Variants in EPHB1 observed in about 807,000 individuals in gnomAD.
EPHB1 encodes the protein ephrin type-B receptor 1.
Under a neutral mutation model 94.4 loss-of-function variants are expected in EPHB1, and 30 were observed. The observed-to-expected ratio is 0.32, with a 90% CI of 0.24 to 0.43. The LOEUF (loss-of-function observed/expected upper bound fraction) is 0.43. Ranked by LOEUF, EPHB1 falls within the 20% of genes least tolerant of loss-of-function variation. EPHB1 has a pLI of 1.00. For synonymous variants in EPHB1, 522 were observed against 489.1 expected, an observed-to-expected ratio of 1.07 and a Z score of -0.89; for missense variants, 1,055 against 1,308.3, an observed-to-expected ratio of 0.81 and a Z score of 2.99.
chr3:135,085,474 CA>C (rs1402970238), intron 3 of EPHB1, among the ~76,000 whole-genome samples: 2 of 152,206 alleles, frequency 1.3e-5, no homozygotes, highest in Non-Finnish European at 2.9e-5. Context: ...TTCCTTCTCC[CA>C]ACTGGAATCA....
intron 3 of EPHB1, among the ~76,000 whole-genome samples, chr3:135,074,965 C>A (rs140863713): frequency 1.7e-3 from 256 of 152,234 alleles, no homozygotes; most frequent in African/African-American, 6.0e-3. Context: ...AAGGACCCCT[C>A]GCTGTAATAC....
At chr3:135,097,601 A>G (rs773144333) in intron 3 of EPHB1, among the ~76,000 whole-genome samples, 3 of 152,166 alleles carry the variant, frequency 2.0e-5, no homozygotes, top group Non-Finnish European at 4.4e-5. Context: ...TGCTACTGCT[A>G]CTGCTGTCTG....
chr3:135,010,919 C>G (rs919994656), intron 3 of EPHB1, among the ~76,000 whole-genome samples: 1 of 152,176 alleles, frequency 6.6e-6, no homozygotes, highest in African/African-American at 2.4e-5. Context: ...ACTGCTGCTG[C>G]AAGAGCCACA....
intron 15 of EPHB1, among the ~76,000 whole-genome samples, chr3:135,251,858 G>C (rs943015544): frequency 2.0e-5 from 3 of 152,172 alleles, no homozygotes; most frequent in Non-Finnish European, 4.4e-5. Context: ...GGGCTTTAGA[G>C]GAAATACAGT....
intron 11 of EPHB1, 149 bp from the exon 12 acceptor site, chr3:135,201,325 G>A (rs910357660): frequency 2.7e-6 from 2 of 729,146 alleles, no homozygotes; most frequent in Non-Finnish European, 4.7e-6. Flanking sequence ...GAGAAGAATG[G>A]GGGATGGGAG....
chr3:135,030,705 G>C (rs993171715), intron 3 of EPHB1, among the ~76,000 whole-genome samples: 3 of 152,230 alleles, frequency 2.0e-5, no homozygotes, highest in Non-Finnish European at 4.4e-5. Context: ...CCCAGAGGTG[G>C]AGCCTACAGA....
intron 12 of EPHB1, among the ~76,000 whole-genome samples, chr3:135,219,914 G>T (rs1408074599): frequency 6.6e-6 from 1 of 152,196 alleles, no homozygotes; most frequent in African/African-American, 2.4e-5. Context: ...CCTACACAGA[G>T]CAGAATTCCC....
At chr3:134,884,478 T>C (rs901539360) in intron 1 of EPHB1, among the ~76,000 whole-genome samples, 3 of 152,202 alleles carry the variant, frequency 2.0e-5, no homozygotes. Context: ...TTCCTGGGGA[T>C]TGAGAAATTC....
intron 1 of EPHB1, among the ~76,000 whole-genome samples, chr3:134,896,883 A>G (rs1362624231): frequency 6.6e-6 from 1 of 152,194 alleles, no homozygotes; most frequent in East Asian, 1.9e-4. Context: ...GGGTGAGCCT[A>G]GTGGCTCTGC....
chr3:135,006,101 T>C (rs1163351897), intron 3 of EPHB1, among the ~76,000 whole-genome samples: 1 of 152,240 alleles, frequency 6.6e-6, no homozygotes, highest in Non-Finnish European at 1.5e-5. Flanking sequence ...GTAAGTTTCC[T>C]GAGGCCTCCC....
chr3:135,087,525 T>C (rs1009439635), intron 3 of EPHB1, among the ~76,000 whole-genome samples: 5 of 152,216 alleles, frequency 3.3e-5, no homozygotes, highest in African/African-American at 1.2e-4. Flanking sequence ...CATTCACTGT[T>C]CTGTGCCCTT....
At chr3:135,188,361 G>T (rs1001992097) in intron 10 of EPHB1, among the ~76,000 whole-genome samples, 3 of 152,008 alleles carry the variant, frequency 2.0e-5, no homozygotes, top group African/African-American at 7.3e-5. Context: ...CGGGCGTTGT[G>T]GTGGGCGCCA....
intron 15 of EPHB1, 142 bp downstream of exon 15, chr3:135,249,633 C>A: frequency 1.1e-6 from 1 of 915,418 alleles, no homozygotes; most frequent in Non-Finnish European, 1.6e-6. Flanking sequence ...TGGGGAGCAC[C>A]TTGGAAAGAT....
At chr3:135,241,959 CA>C (rs1943795217) in intron 13 of EPHB1, among the ~76,000 whole-genome samples, 1 of 152,086 alleles carries the variant, frequency 6.6e-6, no homozygotes, top group African/African-American at 2.4e-5. Context: ...AGGATGCCCT[CA>C]AGGGAAAAGG....
At chr3:135,138,170 A>G (rs1323365651) in intron 5 of EPHB1, among the ~76,000 whole-genome samples, 2 of 152,244 alleles carry the variant, frequency 1.3e-5, no homozygotes, top group Admixed American at 6.5e-5. Context: ...TGCCACTTCC[A>G]TGTGGAATAC....
intron 7 of EPHB1, among the ~76,000 whole-genome samples, chr3:135,165,665 C>T (rs766406926): frequency 2.0e-5 from 3 of 152,156 alleles, no homozygotes; most frequent in South Asian, 2.1e-4. Flanking sequence ...GACAGTTCTT[C>T]GAGAGACCTT....
At chr3:134,835,918 G>A (rs535030533) in intron 1 of EPHB1, among the ~76,000 whole-genome samples, 2 of 152,332 alleles carry the variant, frequency 1.3e-5, no homozygotes, top group Admixed American at 1.3e-4. Flanking sequence ...CTTCAGGCAT[G>A]GGAGCTCATT....
chr3:134,849,998 G>T (rs1048190594), intron 1 of EPHB1, among the ~76,000 whole-genome samples: 1 of 152,178 alleles, frequency 6.6e-6, no homozygotes, highest in African/African-American at 2.4e-5. Flanking sequence ...AGCTTTGAGA[G>T]TCACCAGCAG....
chr3:135,021,504 C>T (rs34240257), intron 3 of EPHB1, among the ~76,000 whole-genome samples: 38,558 of 150,756 alleles, frequency 0.26, 6,366 homozygotes, highest in East Asian at 0.71. Flanking sequence ...AATCTCTCCC[C>T]CCACCCCCCA....
Sources: allele counts gnomAD v4.1 joint callset (sites outside exome capture counted in the v4.1 genomes callset), GRCh38; gene constraint gnomAD v4.1.1; transcripts MANE v1.5; gene names NCBI Gene and HGNC (gene_info 2026-07-23, HGNC 2026-07-21).